Variants in CCNY observed in about 807,000 individuals in gnomAD.
CCNY encodes the protein cyclin Y, also known as cyclin-Y.
Under a neutral mutation model 42.8 loss-of-function variants are expected in CCNY, and 19 were observed. The ratio of observed to expected loss-of-function variants is 0.44; its 90% CI spans 0.31 to 0.65. CCNY has a LOEUF of 0.65. Ranked by LOEUF, CCNY falls within the 30% of genes least tolerant of loss-of-function variation. The pLI is 0.07. For missense variants in CCNY, 370 were observed against 437.3 expected, an observed-to-expected ratio of 0.85 and a Z score of 1.37; for synonymous variants, 165 against 162.7, an observed-to-expected ratio of 1.01 and a Z score of -0.11.
At chr10:35,259,522 A>G (rs1228104487) in intron 3 of CCNY, among the ~76,000 whole-genome samples, 1 of 32,132 alleles carries the variant, frequency 3.1e-5, no homozygotes, top group Non-Finnish European at 5.0e-5. Context: ...TTTTTTTTTG[A>G]GACAGAGTCT....
chr10:35,442,734 A>G (rs1369244509), intron 1 of CCNY, among the ~76,000 whole-genome samples: 1 of 152,194 alleles, frequency 6.6e-6, no homozygotes, highest in Non-Finnish European at 1.5e-5. Context: ...GGGACGGGCT[A>G]TTGATGTGGT....
intron 2 of CCNY, among the ~76,000 whole-genome samples, chr10:35,248,535 A>G (rs1184277834): frequency 6.6e-6 from 1 of 152,034 alleles, no homozygotes; most frequent in Non-Finnish European, 1.5e-5. Flanking sequence ...AATCCCACCT[A>G]CTTGGGACGC....
chr10:35,441,090 A>C (rs1436653372), intron 1 of CCNY, among the ~76,000 whole-genome samples: 27 of 152,210 alleles, frequency 1.8e-4, no homozygotes, highest in Admixed American at 1.8e-3. Context: ...AATGGAAAGG[A>C]AGAGTCCCAT....
In CCNY at chr10:35,552,948, C is replaced by T. The variant is rs1841289966; in HGVS notation, c.580-71C>T. 2.1e-6 allele frequency: 3 copies of T among 1,429,902 alleles called. No individual in the cohort carries two copies. In the South Asian group the frequency reaches 3.8e-5, roughly 18 times the overall value. The allele number at this position is 1,429,902 out of a possible 1,614,324, so 88.6% of individuals were successfully genotyped here. On this transcript the variant is annotated intron_variant, in intron 7 of 9. Coordinates refer to ENST00000374704, the MANE Select transcript of CCNY (RefSeq NM_145012.6). ...AAGGTGGATGTAATACATATTTTAG[C>T]ATTTCTTGAGGTGTGCTGGTGTTTA...
intron 1 of CCNY, among the ~76,000 whole-genome samples, chr10:35,448,251 G>T (rs1468883597): frequency 6.6e-6 from 1 of 152,150 alleles, no homozygotes; most frequent in Admixed American, 6.5e-5. Flanking sequence ...ACCATCTGGG[G>T]CCCCAGGGCA....
At chr10:35,312,382 C>CAAAA (rs35909291) in intron 3 of CCNY, among the ~76,000 whole-genome samples, 10 of 61,460 alleles carry the variant, frequency 1.6e-4, no homozygotes, top group African/African-American at 4.3e-4. Flanking sequence ...CTCTGTGTCA[C>CAAAA]AAAAAAAAAA....
chr10:35,310,275 T>A (rs1171611539), intron 3 of CCNY, among the ~76,000 whole-genome samples: 1 of 152,264 alleles, frequency 6.6e-6, no homozygotes, highest in African/African-American at 2.4e-5. Flanking sequence ...TATGGCTGAA[T>A]AATAGTCCAT....
chr10:35,479,364 C>A, intron 1 of CCNY, among the ~76,000 whole-genome samples: 3 of 145,406 alleles, frequency 2.1e-5, no homozygotes, highest in Admixed American at 6.9e-5. Context: ...CCCAAATGTC[C>A]AACAATGATA....
At chr10:35,381,432 G>A (rs1482730714) in intron 1 of CCNY, among the ~76,000 whole-genome samples, 2 of 151,986 alleles carry the variant, frequency 1.3e-5, no homozygotes, top group Non-Finnish European at 2.9e-5. Context: ...GTGGTGGCAC[G>A]TGCCTGTAAT....
chr10:35,265,371 CT>C (rs1438883644), intron 3 of CCNY, among the ~76,000 whole-genome samples: 3 of 152,156 alleles, frequency 2.0e-5, no homozygotes, highest in Non-Finnish European at 4.4e-5. Context: ...GATTAGTGTT[CT>C]TTTTAACTTG....
intron 1 of CCNY, among the ~76,000 whole-genome samples, chr10:35,476,669 C>T (rs1342278262): frequency 6.7e-6 from 1 of 149,788 alleles, no homozygotes; most frequent in Non-Finnish European, 1.5e-5. Flanking sequence ...ACTAAATGCC[C>T]ACAAGAGAAA....
chr10:35,322,311 G>A (rs571618333), intron 3 of CCNY, among the ~76,000 whole-genome samples: 12 of 149,660 alleles, frequency 8.0e-5, no homozygotes, highest in Admixed American at 2.7e-4. Context: ...CTGAGATCAC[G>A]TCACTACACT....
At chr10:35,459,635 T>A (rs1839114079) in intron 1 of CCNY, among the ~76,000 whole-genome samples, 1 of 152,130 alleles carries the variant, frequency 6.6e-6, no homozygotes. Context: ...GGAAGTAATG[T>A]GGTAGGGGAT....
At chr10:35,295,112 A>G (rs1835455664) in intron 3 of CCNY, among the ~76,000 whole-genome samples, 1 of 152,054 alleles carries the variant, frequency 6.6e-6, no homozygotes, top group Non-Finnish European at 1.5e-5. Context: ...CTGAGATTGC[A>G]CCACTGCACT....
At position 35,308,350 on chromosome 10, in the gene CCNY, C is replaced by T. The variant is rs184608387; in HGVS notation, c.-9+57724C>T. On this transcript the variant is annotated intron_variant, in intron 3 of 11. Transcript: ENST00000374706. Reference sequence around the variant, plus strand: ...GGAGGATCGCCTGAGCCCAGGAGTTCAAGACCAGCTTGAGCAACACAGTGA... The same window carrying T: ...GGAGGATCGCCTGAGCCCAGGAGTTTAAGACCAGCTTGAGCAACACAGTGA... Among the ~76,000 whole-genome samples the T allele has an allele frequency of 1.9e-3, 285 of 152,012 alleles. 2 individuals are homozygous for T. Among genetic ancestry groups the T allele is most frequent in the African/African-American group, 6.7e-3 (276 of 41,470 alleles).
chr10:35,389,066 T>C lies in CCNY; in HGVS notation c.154+51859T>C, dbSNP rs529947823. Among the ~76,000 whole-genome samples, 8 of 152,348 alleles carry C rather than the reference T, an allele frequency of 5.3e-5. No homozygotes were observed. The South Asian group carries it at 1.7e-3, about 32-fold the overall frequency. Reference sequence around the variant, plus strand: ...ACAACTTTAATTCCATCTGCAACCTTAATTCCCCTTTGCCATGTAAGATTG... The same window carrying C: ...ACAACTTTAATTCCATCTGCAACCTCAATTCCCCTTTGCCATGTAAGATTG... On this transcript the variant is annotated intron_variant, in intron 1 of 9. Coordinates refer to ENST00000374704, the MANE Select transcript of CCNY (RefSeq NM_145012.6).
At chr10:35,410,568 A>G (rs1837882373) in intron 1 of CCNY, among the ~76,000 whole-genome samples, 1 of 152,234 alleles carries the variant, frequency 6.6e-6, no homozygotes, top group African/African-American at 2.4e-5. Flanking sequence ...TGCACTGTGG[A>G]TTGGTGAGCT....
intron 4 of CCNY, among the ~76,000 whole-genome samples, chr10:35,517,044 C>T (rs1350461122): frequency 6.6e-6 from 1 of 152,108 alleles, no homozygotes; most frequent in African/African-American, 2.4e-5. Flanking sequence ...CAGTTGGAGA[C>T]CCGGGGCTCC....
At chr10:35,509,194 T>C (rs966900466) in intron 3 of CCNY, among the ~76,000 whole-genome samples, 1 of 152,262 alleles carries the variant, frequency 6.6e-6, no homozygotes, top group Non-Finnish European at 1.5e-5. Flanking sequence ...TTGGTTCACC[T>C]GGGTTCTTAA....
Sources: allele counts gnomAD v4.1 joint callset (sites outside exome capture counted in the v4.1 genomes callset), GRCh38; gene constraint gnomAD v4.1.1; transcripts MANE v1.5; gene names NCBI Gene and HGNC (gene_info 2026-07-23, HGNC 2026-07-21).